The following RREB1 variants were observed in gnomAD, a reference collection of about 807,000 sequenced individuals.
RREB1 encodes the protein ras-responsive element-binding protein 1.
In RREB1, 27 loss-of-function variants were observed where a neutral mutation model predicts 117.8. The ratio of observed to expected loss-of-function variants is 0.23; its 90% CI spans 0.17 to 0.32. The LOEUF (loss-of-function observed/expected upper bound fraction) is 0.32. Among genes scored for constraint, RREB1 ranks in the 10% least tolerant of loss-of-function variants. RREB1 has a pLI of 1.00. For synonymous variants in RREB1, 1,298 were observed against 1,026.7 expected (o/e 1.26, Z -5.05); for missense variants, 2,577 against 2,378.2 (o/e 1.08, Z -1.74).
chr6:7,170,058 CT>C (rs1353782772), intron 1 of RREB1, among the ~76,000 whole-genome samples: 2 of 152,214 alleles, frequency 1.3e-5, no homozygotes, highest in Non-Finnish European at 2.9e-5. Flanking sequence ...TTCCCCCACA[CT>C]TTACAAAATA....
At chr6:7,129,206 G>T (rs915140571) in intron 1 of RREB1, among the ~76,000 whole-genome samples, 6 of 152,196 alleles carry the variant, frequency 3.9e-5, no homozygotes, top group Non-Finnish European at 4.4e-5. Flanking sequence ...GCACTTCTAG[G>T]AAAAGCACAA....
intron 1 of RREB1, among the ~76,000 whole-genome samples, chr6:7,119,030 CTGTGT>C (rs1761544079): frequency 6.6e-6 from 1 of 151,954 alleles, no homozygotes; most frequent in Non-Finnish European, 1.5e-5. Flanking sequence ...TGCAAGGCTA[CTGTGT>C]TAAGCACCAA....
chr6:7,161,383 T>G (rs144435422), intron 1 of RREB1, among the ~76,000 whole-genome samples: 7 of 152,318 alleles, frequency 4.6e-5, no homozygotes, highest in Non-Finnish European at 1.5e-5. Context: ...TATTCCTGCT[T>G]TAGGGTTTAA....
intron 8 of RREB1, chr6:7,212,131 A>G: frequency 5.4e-6 from 1 of 185,866 alleles, no homozygotes; most frequent in Non-Finnish European, 1.1e-5. Flanking sequence ...GCACTGGTCC[A>G]TCATAGGCAC....
chr6:7,220,146 A>C (rs57340203), intron 8 of RREB1, among the ~76,000 whole-genome samples: 1 of 152,064 alleles, frequency 6.6e-6, no homozygotes, highest in Non-Finnish European at 1.5e-5. Context: ...CGTGTCATAC[A>C]GGGGGTGGGG....
chr6:7,196,218 G>GTTTTTTTTTTT (rs58448175), intron 6 of RREB1, among the ~76,000 whole-genome samples: 11 of 121,466 alleles, frequency 9.1e-5, no homozygotes, highest in Non-Finnish European at 1.3e-4. Flanking sequence ...TTTTTTTTTC[G>GTTTTTTTTTTT]TTTTTTTTTT....
chr6:7,192,303 C>T (rs1222043131), intron 6 of RREB1, among the ~76,000 whole-genome samples: 1 of 151,916 alleles, frequency 6.6e-6, no homozygotes, highest in Non-Finnish European at 1.5e-5. Flanking sequence ...AGTGATTCTC[C>T]TGCCTCAGCC....
chr6:7,196,218 G>GTTTTTT (rs58448175), intron 6 of RREB1, among the ~76,000 whole-genome samples: 8 of 121,470 alleles, frequency 6.6e-5, no homozygotes, highest in East Asian at 2.5e-4. Flanking sequence ...TTTTTTTTTC[G>GTTTTTT]TTTTTTTTTT....
At chr6:7,149,797 T>G (rs1171039405) in intron 1 of RREB1, among the ~76,000 whole-genome samples, 1 of 152,158 alleles carries the variant, frequency 6.6e-6, no homozygotes, top group Non-Finnish European at 1.5e-5. Context: ...CAAGCGATTC[T>G]CCTGCCTCAG....
At chr6:7,138,001 TTAA>T (rs1215640677) in intron 1 of RREB1, among the ~76,000 whole-genome samples, 1 of 152,206 alleles carries the variant, frequency 6.6e-6, no homozygotes, top group Non-Finnish European at 1.5e-5. Flanking sequence ...GTCAGGAAGA[TTAA>T]TAATGTTAAC....
chr6:7,245,715 A>G (rs1279038379), intron 11 of RREB1, among the ~76,000 whole-genome samples: 2 of 152,170 alleles, frequency 1.3e-5, no homozygotes, highest in Non-Finnish European at 2.9e-5. Flanking sequence ...ACAGGCACCC[A>G]CAGCCCTTCA....
intron 1 of RREB1, among the ~76,000 whole-genome samples, chr6:7,111,650 G>A (rs1761152228): frequency 6.6e-6 from 1 of 152,148 alleles, no homozygotes; most frequent in African/African-American, 2.4e-5. Context: ...GGGAAGGTAG[G>A]ATGTTAAAGT....
intron 8 of RREB1, among the ~76,000 whole-genome samples, chr6:7,225,944 C>T (rs530077226): frequency 6.6e-6 from 1 of 152,318 alleles, no homozygotes; most frequent in South Asian, 2.1e-4. Flanking sequence ...CAACTTAATG[C>T]ACAATCACCA....
rs140315192 is a variant in RREB1, at chr6:7,177,574, G to T, written c.-166+801G>T. ...TTAAGAGACAGGGTCTCACTCTGTC[G>T]CCCAGGCTGGAATGCAATGGTGTGA... On this transcript the variant is annotated intron_variant, in intron 2 of 12. Coordinates refer to ENST00000379938, the MANE Select transcript of RREB1 (RefSeq NM_001003699.4). Among the ~76,000 whole-genome samples the T allele has an allele frequency of 3.9e-3, 586 of 152,026 alleles. 5 individuals are homozygous for T. Among genetic ancestry groups the T allele is most frequent in the African/African-American group, 0.014 (560 of 41,460 alleles).
At chr6:7,160,720 T>C (rs2113461450) in intron 1 of RREB1, among the ~76,000 whole-genome samples, 1 of 151,822 alleles carries the variant, frequency 6.6e-6, no homozygotes, top group African/African-American at 2.4e-5. Flanking sequence ...CGGAGTCTCA[T>C]TCTGTCACCA....
At chr6:7,148,108 G>C (rs913878868) in intron 1 of RREB1, among the ~76,000 whole-genome samples, 1 of 152,152 alleles carries the variant, frequency 6.6e-6, no homozygotes, top group Non-Finnish European at 1.5e-5. Context: ...GGGTATACGT[G>C]GGGGGAGAGG....
Position 7,247,003 on chromosome 6 carries a change from C to T in RREB1, c.4553C>T (p.Pro1518Leu), listed in dbSNP as rs778670731. ...TCGGCCCCGGGTGCCGGGGAGGCCC[C>T]GGCGGAAAAGCTCGCGGAGGAGACG... Reference protein sequence around the residue: ...VESAPGAGEAPAEKLAEETEG... With the variant: ...VESAPGAGEALAEKLAEETEG... The change falls in exon 12 of 13, where the codon CCG becomes CTG. Residue 1518 changes from proline (P) to leucine (L), a missense_variant. Physicochemically the swap from Pro to Leu is moderately conservative, Grantham distance 98. Transcript: ENST00000379938. 3 of 1,603,678 alleles carry T rather than the reference C, an allele frequency of 1.9e-6. No individual in the cohort carries two copies. Among genetic ancestry groups the T allele is most frequent in the African/African-American group, 1.3e-5 (1 of 74,512 alleles).
Position 7,250,350 on chromosome 6 carries a change from C to T in RREB1, c.*1382C>T, listed in dbSNP as rs1191373646. 2 of 152,188 alleles carry T rather than the reference C, an allele frequency of 1.3e-5. No homozygotes were observed. The highest frequency in any genetic ancestry group is 2.1e-4 in the South Asian group (1 of 4,826). The allele number at this position is 152,188 out of a possible 1,614,324, so 9.4% of individuals were successfully genotyped here. A position where few individuals can be genotyped will look rare whatever the true frequency, so the allele number is the denominator to read the frequency against. On this transcript the variant is annotated 3_prime_UTR_variant, in exon 13 of 13. Transcript: ENST00000379938. ...ACCTTCCTGCGATGTGGGGTTGGTG[C>T]TTGAAGATAAATGTGCTGTTTCTAG...
At chr6:7,184,972 C>T (rs914507979) in intron 4 of RREB1, 1 of 152,198 alleles carries the variant, frequency 6.6e-6, no homozygotes, top group Non-Finnish European at 1.5e-5. Context: ...GGCTGTGAGA[C>T]ATCCCTCCTT....
Sources: allele counts gnomAD v4.1 joint callset (sites outside exome capture counted in the v4.1 genomes callset), GRCh38; gene constraint gnomAD v4.1.1; transcripts MANE v1.5; gene names NCBI Gene and HGNC (gene_info 2026-07-23, HGNC 2026-07-21).